Variants in FILIP1 observed in about 807,000 individuals in gnomAD.
FILIP1 encodes filamin A interacting protein 1, also known as filamin-A-interacting protein 1.
FILIP1 carries 61 observed loss-of-function variants against 102.1 expected under a neutral mutation model. That is an observed-to-expected ratio of 0.60 (90% confidence interval 0.49 to 0.74). FILIP1 has a LOEUF of 0.74. Ranked by LOEUF, FILIP1 falls within the 30% of genes least tolerant of loss-of-function variation. FILIP1 has a pLI of 0.00. For missense variants in FILIP1, 1,314 were observed against 1,441.2 expected (o/e 0.91, Z 1.43); for synonymous variants, 491 against 526.9 (o/e 0.93, Z 0.93).
intron 2 of FILIP1, among the ~76,000 whole-genome samples, chr6:75,382,738 C>A (rs759234169): frequency 3.9e-5 from 6 of 152,178 alleles, no homozygotes; most frequent in Non-Finnish European, 7.4e-5. Flanking sequence ...ATCAAGTATA[C>A]AAAGCAAAGC....
Position 75,442,560 on chromosome 6 carries a change from C to T in FILIP1, c.-6-27582G>A, listed in dbSNP as rs1034176986. Among the ~76,000 whole-genome samples the T allele has an allele frequency of 5.3e-5, 8 of 150,192 alleles. No individual in the cohort carries two copies. The South Asian group carries it at 8.5e-4, about 16-fold the overall frequency. On this transcript the variant is annotated intron_variant, in intron 1 of 5. Transcript: ENST00000237172. ...CGCGGTTAGGAGCTGGAGACCAGCCCGGCCAACACAGCGAAACCCCGTCTC... is the reference window on the plus strand; with the variant it reads ...CGCGGTTAGGAGCTGGAGACCAGCCTGGCCAACACAGCGAAACCCCGTCTC...
intron 3 of FILIP1, 52 bp downstream of exon 3, chr6:75,362,692 G>A (rs1775206476): frequency 5.1e-6 from 8 of 1,555,494 alleles, no homozygotes; most frequent in Non-Finnish European, 6.1e-6. Context: ...AGAATGTGAA[G>A]ATATCTCCCT....
intron 1 of FILIP1, among the ~76,000 whole-genome samples, chr6:75,416,127 T>C (rs959350596): frequency 5.3e-5 from 8 of 152,172 alleles, no homozygotes; most frequent in African/African-American, 1.9e-4. Flanking sequence ...GGGACTTTGT[T>C]ATATGAAAGT....
At chr6:75,324,239 A>G (rs1246215069) in intron 4 of FILIP1, among the ~76,000 whole-genome samples, 1 of 152,048 alleles carries the variant, frequency 6.6e-6, no homozygotes, top group Non-Finnish European at 1.5e-5. Context: ...TAGCACTGCT[A>G]TACACCAACA....
chr6:75,311,082 C>G (rs1773166466), intron 5 of FILIP1, among the ~76,000 whole-genome samples: 1 of 152,178 alleles, frequency 6.6e-6, no homozygotes, highest in South Asian at 2.1e-4. Context: ...AAGTTAACAT[C>G]TAAACAGTAC....
At chr6:75,463,823 C>T (rs1277280196) in intron 1 of FILIP1, among the ~76,000 whole-genome samples, 1 of 152,072 alleles carries the variant, frequency 6.6e-6, no homozygotes, top group Non-Finnish European at 1.5e-5. Context: ...ATTTCCTTAT[C>T]CAGAGATGTT....
chr6:75,402,969 T>C (rs774668159), intron 2 of FILIP1, among the ~76,000 whole-genome samples: 1 of 152,210 alleles, frequency 6.6e-6, no homozygotes, highest in Non-Finnish European at 1.5e-5. Flanking sequence ...GTAACAATGA[T>C]ATGCCTAACC....
At chr6:75,423,240 G>A (rs1007093013) in intron 1 of FILIP1, among the ~76,000 whole-genome samples, 10 of 152,118 alleles carry the variant, frequency 6.6e-5, no homozygotes, top group Non-Finnish European at 1.5e-5. Context: ...TGATAAGTGG[G>A]TGCCTCCTGA....
At chr6:75,305,517 A>C (rs1259828395), downstream of FILIP1, among the ~76,000 whole-genome samples, 4 of 152,188 alleles carry the variant, frequency 2.6e-5, no homozygotes, top group African/African-American at 9.7e-5. Context: ...GCCACCCATC[A>C]ACCAGTCCTC....
At chr6:75,431,720 G>A (rs1777828764) in intron 1 of FILIP1, among the ~76,000 whole-genome samples, 1 of 152,150 alleles carries the variant, frequency 6.6e-6, no homozygotes, top group Non-Finnish European at 1.5e-5. Flanking sequence ...GGCAGAGAAG[G>A]AGCCTGCAGT....
intron 4 of FILIP1, among the ~76,000 whole-genome samples, chr6:75,323,238 G>A (rs1240305519): frequency 1.3e-5 from 2 of 152,104 alleles, no homozygotes; most frequent in South Asian, 2.1e-4. Context: ...CCAAATGTGA[G>A]TTTAGAATTT....
intron 2 of FILIP1, among the ~76,000 whole-genome samples, chr6:75,406,422 T>C (rs946636875): frequency 1.3e-5 from 2 of 152,176 alleles, no homozygotes; most frequent in Non-Finnish European, 2.9e-5. Flanking sequence ...GAAGCTCCCA[T>C]ATTTTCATAA....
intron 4 of FILIP1, among the ~76,000 whole-genome samples, chr6:75,348,254 C>G (rs528928484): frequency 2.0e-5 from 3 of 152,332 alleles, no homozygotes; most frequent in Admixed American, 6.5e-5. Context: ...TGAAGGTGAT[C>G]TCATGTGCTC....
chr6:75,421,166 A>G (rs1389857229), intron 1 of FILIP1, among the ~76,000 whole-genome samples: 1 of 152,164 alleles, frequency 6.6e-6, no homozygotes, highest in African/African-American at 2.4e-5. Flanking sequence ...CTGCTGAAAC[A>G]CACTAAAATA....
chr6:75,391,649 T>TG (rs1776283509), intron 2 of FILIP1, among the ~76,000 whole-genome samples: 2 of 152,194 alleles, frequency 1.3e-5, no homozygotes, highest in Admixed American at 1.3e-4. Context: ...CATCCTCTTT[T>TG]GACTAGCTAG....
At chr6:75,333,952 G>C (rs566075685) in intron 4 of FILIP1, among the ~76,000 whole-genome samples, 10 of 147,706 alleles carry the variant, frequency 6.8e-5, no homozygotes, top group African/African-American at 2.4e-4. Flanking sequence ...CAGCCACACT[G>C]AGTGTTTCAG....
chr6:75,297,166 A>G (rs1374931531), intron 6 of FILIP1, among the ~76,000 whole-genome samples: 1 of 152,188 alleles, frequency 6.6e-6, no homozygotes, highest in Non-Finnish European at 1.5e-5. Context: ...TATCAATAAC[A>G]TGAAGAAATT....
chr6:75,425,926 A>G (rs1027374305), intron 1 of FILIP1, among the ~76,000 whole-genome samples: 3 of 152,162 alleles, frequency 2.0e-5, no homozygotes, highest in African/African-American at 7.2e-5. Flanking sequence ...AAACTACTTT[A>G]CTCTCAACTG....
intron 2 of FILIP1, among the ~76,000 whole-genome samples, chr6:75,372,091 A>G (rs928512947): frequency 6.6e-6 from 1 of 152,208 alleles, no homozygotes; most frequent in Non-Finnish European, 1.5e-5. Flanking sequence ...GGCCGGGTGC[A>G]GTGGCACATG....
Sources: allele counts gnomAD v4.1 joint callset (sites outside exome capture counted in the v4.1 genomes callset), GRCh38; gene constraint gnomAD v4.1.1; transcripts MANE v1.5; gene names NCBI Gene and HGNC (gene_info 2026-07-23, HGNC 2026-07-21).